Variants in RIMS1 observed in about 807,000 individuals in gnomAD.
RIMS1 encodes regulating synaptic membrane exocytosis protein 1.
A neutral mutation model predicts 214.1 loss-of-function variants in RIMS1; 83 were observed. The observed-to-expected ratio is 0.39, with a 90% CI of 0.32 to 0.47. The LOEUF (loss-of-function observed/expected upper bound fraction) is 0.47, where lower values mean the gene tolerates loss of function less well. Among genes scored for constraint, RIMS1 ranks in the 20% least tolerant of loss-of-function variants. The pLI is 0.99. For missense variants in RIMS1, 2,050 were observed against 2,161.8 expected, an observed-to-expected ratio of 0.95 and a Z score of 1.03; for synonymous variants, 793 against 786.8, an observed-to-expected ratio of 1.01 and a Z score of -0.13.
At chr6:72,321,328 A>C (rs561227294) in intron 28 of RIMS1, among the ~76,000 whole-genome samples, 1 of 152,104 alleles carries the variant, frequency 6.6e-6, no homozygotes, top group Non-Finnish European at 1.5e-5. Context: ...TGATGTAAGT[A>C]ATTGTTTTCT....
At chr6:72,006,634 C>T (rs546228503) in intron 2 of RIMS1, among the ~76,000 whole-genome samples, 253 of 152,304 alleles carry the variant, frequency 1.7e-3, no homozygotes, top group African/African-American at 5.4e-3. Flanking sequence ...CCTAACACTG[C>T]GCTTTTCCAA....
At chr6:72,069,402 T>C (rs1276919042) in intron 2 of RIMS1, among the ~76,000 whole-genome samples, 1 of 152,232 alleles carries the variant, frequency 6.6e-6, no homozygotes, top group Non-Finnish European at 1.5e-5. Flanking sequence ...TCTCTGGTGG[T>C]TTGTTGAGCC....
intron 2 of RIMS1, among the ~76,000 whole-genome samples, chr6:72,034,833 G>A (rs1237292649): frequency 6.6e-6 from 1 of 152,094 alleles, no homozygotes. Context: ...ATGTAAATAT[G>A]AAATATACAG....
intron 26 of RIMS1, among the ~76,000 whole-genome samples, chr6:72,301,095 G>A (rs2094559785): frequency 6.6e-6 from 1 of 151,576 alleles, no homozygotes; most frequent in Admixed American, 6.6e-5. Flanking sequence ...TAGATGATGG[G>A]TAAATGTTTA....
chr6:72,321,817 C>A (rs2096184743), intron 28 of RIMS1, among the ~76,000 whole-genome samples: 1 of 152,040 alleles, frequency 6.6e-6, no homozygotes, highest in African/African-American at 2.4e-5. Context: ...AATCAGTTAT[C>A]CCCTTCTGGG....
intron 4 of RIMS1, among the ~76,000 whole-genome samples, chr6:72,123,195 G>A (rs1363569384): frequency 6.6e-6 from 1 of 151,796 alleles, no homozygotes; most frequent in East Asian, 1.9e-4. Flanking sequence ...TGGTTTCAAA[G>A]AACATCTTTA....
chr6:72,045,421 C>T (rs142784864), intron 2 of RIMS1, among the ~76,000 whole-genome samples: 10 of 151,864 alleles, frequency 6.6e-5, no homozygotes, highest in Admixed American at 1.3e-4. Flanking sequence ...CTGAAGAAAA[C>T]AATTTTTATT....
chr6:72,292,417 C>G (rs2093530701), intron 26 of RIMS1, among the ~76,000 whole-genome samples: 1 of 152,010 alleles, frequency 6.6e-6, no homozygotes, highest in African/African-American at 2.4e-5. Context: ...AAAAATTAAA[C>G]ACTTAATCAT....
chr6:72,402,671 T>G lies in RIMS1; in HGVS notation c.*1957T>G, dbSNP rs2098841962. 6.5e-6 allele frequency: 1 copy of G among 152,676 alleles called. No individual in the cohort carries two copies. The highest frequency in any genetic ancestry group is 1.5e-5 in the Non-Finnish European group (1 of 68,052). 9.5% of individuals were successfully genotyped at this position (152,676 alleles called of 1,614,324 possible). ...TCTACTAGATTCCGTTCTGTCTTAG[T>G]GGCCAACAATCAACTGATTATAATT... On this transcript the variant is annotated 3_prime_UTR_variant, in exon 34 of 34. Coordinates refer to ENST00000521978, the MANE Select transcript of RIMS1 (RefSeq NM_014989.7).
intron 1 of RIMS1, among the ~76,000 whole-genome samples, chr6:71,926,094 T>C (rs1781488267): frequency 6.6e-6 from 1 of 152,162 alleles, no homozygotes; most frequent in African/African-American, 2.4e-5. Context: ...TGAGACCCAG[T>C]CTCACTCTGT....
At position 72,097,252 on chromosome 6, in the gene RIMS1, C is replaced by T. The variant is rs554363432; in HGVS notation, c.459+90C>T. 34 of 1,098,490 alleles carry T rather than the reference C, an allele frequency of 3.1e-5. 1 individual carries two copies. In the South Asian group the frequency reaches 4.1e-4, roughly 13 times the overall value. The allele number at this position is 1,098,490 out of a possible 1,614,324, so 68.0% of individuals were successfully genotyped here. On this transcript the variant is annotated intron_variant, in intron 3 of 33. Coordinates refer to ENST00000521978, the MANE Select transcript of RIMS1 (RefSeq NM_014989.7). ...ATGAGAACACGTGCATCTTAGAAAGCAGACATGTGCATAAACATACACGTT... is the reference window on the plus strand; with the variant it reads ...ATGAGAACACGTGCATCTTAGAAAGTAGACATGTGCATAAACATACACGTT...
At chr6:71,954,920 T>C (rs1790771671) in intron 1 of RIMS1, among the ~76,000 whole-genome samples, 1 of 151,862 alleles carries the variant, frequency 6.6e-6, no homozygotes, top group African/African-American at 2.4e-5. Context: ...TTCTGATTCT[T>C]GTCATCATTG....
At chr6:72,353,985 C>T (rs1001928924) in intron 29 of RIMS1, among the ~76,000 whole-genome samples, 16 of 151,928 alleles carry the variant, frequency 1.1e-4, no homozygotes, top group African/African-American at 2.9e-4. Context: ...TTTGGGAGGC[C>T]GAGGAAGGTG....
chr6:72,285,585 A>G (rs1453726851), intron 24 of RIMS1, among the ~76,000 whole-genome samples: 3 of 152,182 alleles, frequency 2.0e-5, no homozygotes, highest in East Asian at 1.9e-4. Context: ...TCACAATGGA[A>G]TAAGGATACA....
At chr6:72,068,264 C>A (rs1226828029) in intron 2 of RIMS1, among the ~76,000 whole-genome samples, 2 of 152,142 alleles carry the variant, frequency 1.3e-5, no homozygotes, top group Non-Finnish European at 2.9e-5. Context: ...AGCCTCAATT[C>A]TTTTTTCTGT....
rs754067691 is a variant in RIMS1 at position 72,392,820 on chromosome 6, A to T, written c.4618+10A>T. ...GCCACCCCTGCAATGGGTAAGAATC[A>T]TTTTTTTTTTCTACAAGAAAATTGA... On this transcript the variant is annotated intron_variant, in intron 31 of 33. Transcript: ENST00000521978. The T allele has an allele frequency of 9.4e-5, 137 of 1,451,796 alleles. No individual in the cohort carries two copies. Among genetic ancestry groups the T allele is most frequent in the Non-Finnish European group, 1.2e-4 (129 of 1,057,394 alleles). 89.9% of individuals were successfully genotyped at this position (1,451,796 alleles called of 1,614,324 possible). A position where few individuals can be genotyped will look rare whatever the true frequency, so the allele number is the denominator to read the frequency against.
intron 1 of RIMS1, among the ~76,000 whole-genome samples, chr6:71,944,190 C>T (rs1787071106): frequency 1.3e-5 from 2 of 152,032 alleles, no homozygotes; most frequent in African/African-American, 4.8e-5. Flanking sequence ...CGTCTTATTA[C>T]AAAAATTAAC....
chr6:72,212,785 A>G (rs1402033157), intron 6 of RIMS1: 33 of 1,017,458 alleles, frequency 3.2e-5, no homozygotes, highest in Admixed American at 1.7e-4. Context: ...TTAAAACCCA[A>G]CAGAGATGCC....
chr6:72,219,369 T>C (rs1028791720), intron 6 of RIMS1, among the ~76,000 whole-genome samples: 1 of 152,172 alleles, frequency 6.6e-6, no homozygotes, highest in Admixed American at 6.5e-5. Flanking sequence ...GCCAATCTTT[T>C]GTCTTTAAGA....
Sources: allele counts gnomAD v4.1 joint callset (sites outside exome capture counted in the v4.1 genomes callset), GRCh38; gene constraint gnomAD v4.1.1; transcripts MANE v1.5; gene names NCBI Gene and HGNC (gene_info 2026-07-23, HGNC 2026-07-21).